Variants in KIAA1549 observed in about 807,000 individuals in gnomAD.
The protein encoded by KIAA1549 is UPF0606 protein KIAA1549.
In KIAA1549, 70 loss-of-function variants were observed where a neutral mutation model predicts 156.4. The ratio of observed to expected loss-of-function variants is 0.45; its 90% CI spans 0.37 to 0.55. The LOEUF (loss-of-function observed/expected upper bound fraction) is 0.55. Ranked by LOEUF, KIAA1549 falls within the 20% of genes least tolerant of loss-of-function variation. The probability of loss-of-function intolerance (pLI) is 0.00; values close to 1 mark genes in which losing one functional copy is unlikely to be tolerated. For missense variants in KIAA1549, 2,428 were observed against 2,540.9 expected (o/e 0.96, Z 0.96); for synonymous variants, 1,103 against 1,066.4 (o/e 1.03, Z -0.67).
intron 12 of KIAA1549, among the ~76,000 whole-genome samples, chr7:138,873,620 G>T (rs1242523234): frequency 1.4e-5 from 2 of 138,834 alleles, no homozygotes; most frequent in East Asian, 2.0e-4. Context: ...AAAAAAAAAG[G>T]CCCCTCCCTA....
chr7:138,894,521 C>T lies in KIAA1549; in HGVS notation c.3853G>A (p.Asp1285Asn). The T allele has an allele frequency of 3.7e-6, 6 of 1,613,894 alleles. No individual in the cohort carries two copies. The East Asian group carries it at 6.7e-5, about 18-fold the overall frequency. Residue 1285 changes from aspartate (D) to asparagine (N), a missense_variant, in exon 10 of 20, where the codon GAC (aspartate) becomes AAC (asparagine). Coordinates refer to ENST00000422774, the MANE Select transcript of KIAA1549 (RefSeq NM_001164665.2). ...TCCGGAGACGGCCTCTTCACCCTGT[C>T]GACAGCTGCAGACAAGGAAGAAAGG... Reference protein sequence around the residue: ...RIQGVIAQPVDRVKRPSPESQ... With the variant: ...RIQGVIAQPVNRVKRPSPESQ...
intron 16 of KIAA1549, among the ~76,000 whole-genome samples, chr7:138,859,725 T>C (rs191999779): frequency 2.0e-5 from 3 of 152,316 alleles, no homozygotes; most frequent in African/African-American, 7.2e-5. Context: ...TTGACCCCTG[T>C]CCTTTCTTAC....
chr7:138,929,717 C>T (rs76180912), intron 1 of KIAA1549, among the ~76,000 whole-genome samples: 1,802 of 152,102 alleles, frequency 0.012, 36 homozygotes, highest in African/African-American at 0.041. Flanking sequence ...TAAGACAGTG[C>T]CTTGCTCTAT....
chr7:138,843,990 G>C (rs1409181242), intron 18 of KIAA1549, among the ~76,000 whole-genome samples: 1 of 152,144 alleles, frequency 6.6e-6, no homozygotes, highest in Non-Finnish European at 1.5e-5. Flanking sequence ...GCACCTTCTT[G>C]AAAACTAACT....
chr7:138,952,342 A>G (rs2252738), intron 1 of KIAA1549, among the ~76,000 whole-genome samples: 38,978 of 152,142 alleles, frequency 0.26, 5,918 homozygotes, highest in African/African-American at 0.42. Context: ...TCTAAACAAG[A>G]TGAGGCACAT....
chr7:138,943,184 G>T (rs1342910666), intron 1 of KIAA1549, among the ~76,000 whole-genome samples: 1 of 152,214 alleles, frequency 6.6e-6, no homozygotes, highest in Non-Finnish European at 1.5e-5. Context: ...ACTCCAGAGT[G>T]TTTGCTTTGT....
intron 10 of KIAA1549, among the ~76,000 whole-genome samples, chr7:138,882,208 G>T (rs116182686): frequency 6.6e-6 from 1 of 152,186 alleles, no homozygotes; most frequent in African/African-American, 2.4e-5. Flanking sequence ...CTGGCCATGC[G>T]CATAAAACCA....
At chr7:138,942,247 C>T (rs1365612116) in intron 1 of KIAA1549, among the ~76,000 whole-genome samples, 1 of 152,112 alleles carries the variant, frequency 6.6e-6, no homozygotes, top group Non-Finnish European at 1.5e-5. Flanking sequence ...TTGAGCAGCT[C>T]TGTACAAAAA....
At chr7:138,841,451 C>T (rs867620091) in intron 18 of KIAA1549, among the ~76,000 whole-genome samples, 1 of 152,178 alleles carries the variant, frequency 6.6e-6, no homozygotes, top group African/African-American at 2.4e-5. Flanking sequence ...TCTGCAGCCT[C>T]CTGTGGCTAT....
chr7:138,895,921 C>T (rs1412378178), intron 9 of KIAA1549, among the ~76,000 whole-genome samples: 1 of 152,056 alleles, frequency 6.6e-6, no homozygotes, highest in East Asian at 1.9e-4. Flanking sequence ...TTACACGAAG[C>T]ATATCTTACT....
At chr7:138,864,329 G>A (rs12674105) in intron 15 of KIAA1549, among the ~76,000 whole-genome samples, 13,461 of 152,120 alleles carry the variant, frequency 0.088, 722 homozygotes, top group East Asian at 0.22. Flanking sequence ...CTTCTATACC[G>A]AGAGAGATGA....
In KIAA1549 at chr7:138,868,075, C is replaced by T. The variant is rs1810803568; in HGVS notation, c.4829G>A (p.Cys1610Tyr). ...KPRRKHQVNG[C>Y]PADAEKDRLI... ...CCGGTCCTTCTCAGCGTCGGCAGGA[C>T]AGCCGTTGACCTGGTGTTTCCGGCG... The change falls in exon 15 of 20, where the codon TGT becomes TAT. Residue 1610 changes from cysteine to tyrosine, a missense_variant. Cys to Tyr is a radical substitution (Grantham distance 194, BLOSUM62 -2). Coordinates refer to ENST00000422774, the MANE Select transcript of KIAA1549 (RefSeq NM_001164665.2). The T allele has an allele frequency of 1.9e-6, 3 of 1,613,890 alleles. No homozygotes were observed. Among genetic ancestry groups the T allele is most frequent in the Non-Finnish European group, 2.5e-6 (3 of 1,179,868 alleles).
At chr7:138,915,057 T>A (rs1812279242) in intron 2 of KIAA1549, among the ~76,000 whole-genome samples, 1 of 152,222 alleles carries the variant, frequency 6.6e-6, no homozygotes, top group Non-Finnish European at 1.5e-5. Flanking sequence ...AGATTCAAGT[T>A]CATGATGTTG....
At chr7:138,980,038 C>T (rs1814498238) in intron 1 of KIAA1549, among the ~76,000 whole-genome samples, 1 of 152,244 alleles carries the variant, frequency 6.6e-6, no homozygotes, top group Admixed American at 6.5e-5. Flanking sequence ...GGGACACCTT[C>T]AAATGTGTTC....
chr7:138,882,944 T>C (rs763239933), intron 10 of KIAA1549, among the ~76,000 whole-genome samples: 3 of 151,828 alleles, frequency 2.0e-5, no homozygotes, highest in Admixed American at 6.6e-5. Context: ...TGGTAAGATA[T>C]TATGTCATCA....
chr7:138,918,116 T>C lies in KIAA1549; in HGVS notation c.1510A>G (p.Ser504Gly). 6.2e-7 allele frequency: 1 copy of C among 1,613,934 alleles called. No individual in the cohort carries two copies. The highest frequency in any genetic ancestry group is 8.5e-7 in the Non-Finnish European group (1 of 1,179,872). Reference protein sequence around the residue: ...SSRSMEISETSVGISAEVDMS... With the variant: ...SSRSMEISETGVGISAEVDMS... Reference sequence around the variant, plus strand: ...TCCACCTCGGCAGAAATGCCAACACTCGTCTCTGAGATTTCCATGGATCTA... The same window carrying C: ...TCCACCTCGGCAGAAATGCCAACACCCGTCTCTGAGATTTCCATGGATCTA... The change falls in exon 2 of 20, where the codon AGT becomes GGT. Residue 504 changes from serine to glycine, a missense_variant. Coordinates refer to ENST00000422774, the MANE Select transcript of KIAA1549 (RefSeq NM_001164665.2). This position sits in a 1 kb window ranked among gnomAD's most constrained non-coding sequence, Gnocchi z 4.2.
chr7:138,963,382 G>A (rs928648022), intron 1 of KIAA1549, among the ~76,000 whole-genome samples: 1 of 152,228 alleles, frequency 6.6e-6, no homozygotes, highest in Non-Finnish European at 1.5e-5. Flanking sequence ...GGTTTACCCA[G>A]CCTGATAGGG....
At chr7:138,916,700 T>C in intron 2 of KIAA1549, 48 bp downstream of exon 2, 1 of 1,600,844 alleles carries the variant, frequency 6.2e-7, no homozygotes, top group Non-Finnish European at 8.5e-7. Flanking sequence ...CACAAGCTCC[T>C]TAGAAAGATT....
intron 8 of KIAA1549, among the ~76,000 whole-genome samples, chr7:138,902,529 A>G: frequency 6.6e-6 from 1 of 152,358 alleles, no homozygotes; most frequent in East Asian, 1.9e-4. Flanking sequence ...AATTAATGAC[A>G]GCCCCAACCT....
Sources: allele counts gnomAD v4.1 joint callset (sites outside exome capture counted in the v4.1 genomes callset), GRCh38; gene constraint gnomAD v4.1.1; non-coding constraint Gnocchi (gnomAD v3.1); transcripts MANE v1.5; gene names NCBI Gene and HGNC (gene_info 2026-07-23, HGNC 2026-07-21).